The following ADAMTSL3 variants were observed in gnomAD, a reference collection of about 807,000 sequenced individuals.
The protein encoded by ADAMTSL3 is ADAMTS-like protein 3.
In ADAMTSL3, 128 loss-of-function variants were observed where a neutral mutation model predicts 201.7. That is an observed-to-expected ratio of 0.63 (90% CI 0.55 to 0.73). ADAMTSL3 has a LOEUF of 0.73. Ranked by LOEUF, ADAMTSL3 falls within the 30% of genes least tolerant of loss-of-function variation. The pLI is 0.00. For synonymous variants in ADAMTSL3, 738 were observed against 748.4 expected (o/e 0.99, Z 0.23); for missense variants, 1,990 against 2,119.6 (o/e 0.94, Z 1.20).
At chr15:83,737,025 A>G (rs1008241221) in intron 3 of ADAMTSL3, among the ~76,000 whole-genome samples, 1 of 152,240 alleles carries the variant, frequency 6.6e-6, no homozygotes. Context: ...ATTTTAAAGT[A>G]TAGCTAATTA....
At chr15:83,822,149 A>G (rs1360136644) in intron 6 of ADAMTSL3, among the ~76,000 whole-genome samples, 1 of 131,012 alleles carries the variant, frequency 7.6e-6, no homozygotes, top group Admixed American at 7.5e-5. Context: ...CCTCCCTCCC[A>G]GACGGGGCGG....
intron 8 of ADAMTSL3, among the ~76,000 whole-genome samples, chr15:83,865,900 C>G (rs957843664): frequency 3.9e-5 from 6 of 152,106 alleles, no homozygotes; most frequent in Non-Finnish European, 7.4e-5. Context: ...CTACAATGAA[C>G]TCAAACAAAT....
intron 14 of ADAMTSL3, among the ~76,000 whole-genome samples, chr15:83,898,591 T>A (rs1199167802): frequency 6.6e-6 from 1 of 152,194 alleles, no homozygotes; most frequent in Non-Finnish European, 1.5e-5. Context: ...TAGTTCACAT[T>A]TGTTCCACAT....
At chr15:84,035,287 A>G (rs1012597188) in intron 28 of ADAMTSL3, among the ~76,000 whole-genome samples, 1 of 152,194 alleles carries the variant, frequency 6.6e-6, no homozygotes, top group African/African-American at 2.4e-5. Flanking sequence ...AGGGTGAGGG[A>G]TTTATTAATA....
At chr15:83,672,665 C>T (rs544623153) in intron 2 of ADAMTSL3, among the ~76,000 whole-genome samples, 1 of 152,154 alleles carries the variant, frequency 6.6e-6, no homozygotes, top group Non-Finnish European at 1.5e-5. Flanking sequence ...AGTCCAACAC[C>T]CTTTACTGTT....
Position 83,838,082 on chromosome 15 carries a change from T to C in ADAMTSL3, c.601-7T>C. On this transcript the variant is annotated splice_polypyrimidine_tract_variant and splice_region_variant and intron_variant, in intron 6 of 29. Coordinates refer to ENST00000286744, the MANE Select transcript of ADAMTSL3 (RefSeq NM_207517.3). ...GGCACCACTGACTGCCATGCTTCTG[T>C]TGGCAGGCAGTGGGCTGCGATCGGC... 1 of 1,605,942 alleles carries C rather than the reference T, an allele frequency of 6.2e-7. No individual in the cohort carries two copies. The highest frequency in any genetic ancestry group is 1.3e-5 in the African/African-American group (1 of 74,540).
At chr15:83,713,681 T>C (rs1482054767) in intron 3 of ADAMTSL3, among the ~76,000 whole-genome samples, 2 of 152,208 alleles carry the variant, frequency 1.3e-5, no homozygotes, top group African/African-American at 4.8e-5. Flanking sequence ...AAGAAAAGAC[T>C]TCGCCGATTC....
At chr15:83,754,799 A>G (rs750047524) in intron 3 of ADAMTSL3, among the ~76,000 whole-genome samples, 3 of 152,192 alleles carry the variant, frequency 2.0e-5, no homozygotes, top group Non-Finnish European at 4.4e-5. Context: ...CTAAATTGAG[A>G]TGAATGTTTG....
intron 5 of ADAMTSL3, among the ~76,000 whole-genome samples, chr15:83,811,710 G>A (rs912185595): frequency 1.3e-5 from 2 of 152,232 alleles, no homozygotes; most frequent in African/African-American, 2.4e-5. Flanking sequence ...GAGTAGGAAG[G>A]AGGTGGAGAA....
At chr15:83,704,282 G>C (rs1389826579) in intron 2 of ADAMTSL3, 107 bp from the exon 3 acceptor site, 2 of 1,507,226 alleles carry the variant, frequency 1.3e-6, no homozygotes, top group Non-Finnish European at 1.8e-6. Context: ...TTTGTTTCTT[G>C]GTACAGCTAT....
intron 19 of ADAMTSL3, among the ~76,000 whole-genome samples, chr15:83,954,663 T>G (rs192070264): frequency 2.4e-4 from 37 of 152,302 alleles, no homozygotes; most frequent in African/African-American, 7.9e-4. Context: ...TGGGAAGCCT[T>G]TCCAAGTATT....
chr15:83,674,730 T>TATACACATATATATACATAC (rs2061374193), intron 2 of ADAMTSL3, among the ~76,000 whole-genome samples: 2 of 138,730 alleles, frequency 1.4e-5, no homozygotes, highest in Non-Finnish European at 3.0e-5. Context: ...TATATACATA[T>TATACACATATATATACATAC]ATACACACAT....
chr15:83,791,533 A>T (rs1226929812), intron 4 of ADAMTSL3, among the ~76,000 whole-genome samples: 4 of 152,192 alleles, frequency 2.6e-5, no homozygotes, highest in African/African-American at 9.7e-5. Flanking sequence ...TATCCACATG[A>T]AGAAGAATGA....
chr15:83,697,509 T>G (rs1310888727), intron 2 of ADAMTSL3, among the ~76,000 whole-genome samples: 2 of 152,182 alleles, frequency 1.3e-5, no homozygotes, highest in African/African-American at 4.8e-5. Flanking sequence ...GGCTATAAAT[T>G]GAGCCTCTCC....
In ADAMTSL3 at chr15:83,981,256, C is replaced by A. The variant is rs77038617; in HGVS notation, c.2645-1017C>A. Among the ~76,000 whole-genome samples the A allele has an allele frequency of 1.5e-3, 227 of 152,332 alleles. 4 individuals carry two copies. In the East Asian group the frequency reaches 0.035, roughly 24 times the overall value. On this transcript the variant is annotated intron_variant, in intron 20 of 29. Transcript: ENST00000286744. ...GGTGAAACAAGGGAGAGAAATACTTCTCTTGGGGACAGGATCTGAGAAGTA... is the reference window on the plus strand; with the variant it reads ...GGTGAAACAAGGGAGAGAAATACTTATCTTGGGGACAGGATCTGAGAAGTA...
chr15:83,938,732 T>C (rs919306497), intron 17 of ADAMTSL3, among the ~76,000 whole-genome samples: 1 of 152,192 alleles, frequency 6.6e-6, no homozygotes, highest in African/African-American at 2.4e-5. Context: ...TATATTTTGT[T>C]TTTTACATAT....
At chr15:83,907,070 G>C (rs1331292186) in intron 15 of ADAMTSL3, among the ~76,000 whole-genome samples, 2 of 144,744 alleles carry the variant, frequency 1.4e-5, no homozygotes, top group East Asian at 4.1e-4. Context: ...CTCCAGCCTG[G>C]GTGACAGAGC....
intron 2 of ADAMTSL3, among the ~76,000 whole-genome samples, chr15:83,666,748 CA>C (rs1200332915): frequency 6.6e-6 from 1 of 151,162 alleles, no homozygotes; most frequent in Non-Finnish European, 1.5e-5. Context: ...AAGGCTGAAG[CA>C]AGAGGATCAC....
At position 83,982,659 on chromosome 15, in the gene ADAMTSL3, C is replaced by T. The variant is rs1450954163; in HGVS notation, c.3031C>T (p.Pro1011Ser). Residue 1011 changes from proline to serine, a missense_variant, in exon 21 of 30, where the codon CCT (proline) becomes TCT (serine). Transcript: ENST00000286744. ...RLIARPALRE[P>S]MREYPGMDHS... is the part of the protein sequence containing the mutation. ...CATCGCACGCCCAGCCCTCAGGGAG[C>T]CTATGAGGGAATATCCTGGGATGGA... 6.2e-7 allele frequency: 1 copy of T among 1,614,120 alleles called. No individual in the cohort carries two copies. The highest frequency in any genetic ancestry group is 8.5e-7 in the Non-Finnish European group (1 of 1,180,032).
Sources: allele counts gnomAD v4.1 joint callset (sites outside exome capture counted in the v4.1 genomes callset), GRCh38; gene constraint gnomAD v4.1.1; transcripts MANE v1.5; gene names NCBI Gene and HGNC (gene_info 2026-07-23, HGNC 2026-07-21).